ENKUR: variants seen among roughly 807,000 people sequenced by gnomAD.
ENKUR encodes enkurin.
A neutral mutation model predicts 27.6 loss-of-function variants in ENKUR; 19 were observed. That is an observed-to-expected ratio of 0.69 (90% confidence interval 0.48 to 1.01). The LOEUF is 1.01. Ranked by LOEUF, ENKUR falls within the 50% of genes least tolerant of loss-of-function variation. The pLI, the probability that ENKUR is intolerant of heterozygous loss-of-function variation, is 0.00. For missense variants in ENKUR, 312 were observed against 310.5 expected (o/e 1.00, Z -0.04); for synonymous variants, 117 against 96.9 (o/e 1.21, Z -1.22).
upstream of ENKUR, among the ~76,000 whole-genome samples, chr10:25,019,291 T>C (rs1278531728): frequency 1.3e-5 from 2 of 152,166 alleles, no homozygotes; most frequent in African/African-American, 4.8e-5. Context: ...CTGGGCAACA[T>C]GGCGAAACCC....
At chr10:25,028,151 CAG>C (rs947110915) in intron 2 of ENKUR, among the ~76,000 whole-genome samples, 40 of 152,288 alleles carry the variant, frequency 2.6e-4, no homozygotes, top group African/African-American at 9.4e-4. Flanking sequence ...GCAGGAGAAA[CAG>C]GGAAGATGAA....
chr10:25,049,535 C>T (rs1851159966), intron 2 of ENKUR, among the ~76,000 whole-genome samples: 1 of 152,086 alleles, frequency 6.6e-6, no homozygotes, highest in African/African-American at 2.4e-5. Context: ...TGCCTATAAT[C>T]CCAGCACTTT....
chr10:24,991,941 G>A (rs1195445711), intron 3 of ENKUR, among the ~76,000 whole-genome samples: 5 of 152,136 alleles, frequency 3.3e-5, no homozygotes, highest in East Asian at 1.9e-4. Context: ...CCTGCCCTTC[G>A]GCATGCTCCC....
chr10:25,011,462 G>A (rs1031276147), intron 1 of ENKUR, among the ~76,000 whole-genome samples: 6 of 152,130 alleles, frequency 3.9e-5, no homozygotes, highest in Admixed American at 3.3e-4. Context: ...ATACAAACCT[G>A]AGAAAAACAA....
chr10:25,022,295 T>C (rs1850737107), intron 2 of ENKUR, among the ~76,000 whole-genome samples: 1 of 152,184 alleles, frequency 6.6e-6, no homozygotes, highest in African/African-American at 2.4e-5. Flanking sequence ...CTCTCATCAT[T>C]GGAAACATTC....
intron 2 of ENKUR, among the ~76,000 whole-genome samples, chr10:25,043,998 A>G (rs1851093828): frequency 6.6e-6 from 1 of 151,064 alleles, no homozygotes; most frequent in Admixed American, 6.6e-5. Context: ...TATAGATTTA[A>G]AAACATATTT....
At chr10:25,021,133 G>C (rs1257328551), upstream of ENKUR, among the ~76,000 whole-genome samples, 1 of 152,140 alleles carries the variant, frequency 6.6e-6, no homozygotes, top group African/African-American at 2.4e-5. Context: ...ACCCTGCCTT[G>C]TACCTACATA....
chr10:25,009,989 T>C (rs562546439), intron 1 of ENKUR, among the ~76,000 whole-genome samples: 10 of 152,080 alleles, frequency 6.6e-5, no homozygotes, highest in African/African-American at 2.4e-4. Flanking sequence ...TTGGTACCAG[T>C]AGAGTGGGAT....
At chr10:25,055,807 T>C (rs1851250171) in intron 2 of ENKUR, among the ~76,000 whole-genome samples, 1 of 152,188 alleles carries the variant, frequency 6.6e-6, no homozygotes, top group African/African-American at 2.4e-5. Flanking sequence ...ATGCATCTGT[T>C]TATCCCTGCA....
At chr10:25,018,652 G>T (rs1322576118), upstream of ENKUR, among the ~76,000 whole-genome samples, 1 of 137,156 alleles carries the variant, frequency 7.3e-6, no homozygotes, top group Admixed American at 8.0e-5. Context: ...ATAAACAAAT[G>T]AGAGTTGTTT....
chr10:25,022,062 G>A (rs1013080801), intron 2 of ENKUR, among the ~76,000 whole-genome samples: 5 of 152,028 alleles, frequency 3.3e-5, no homozygotes, highest in Non-Finnish European at 7.4e-5. Context: ...GTTGCATATT[G>A]CTTCTACCAG....
In ENKUR at chr10:24,994,351, T is replaced by C. The variant is rs866976990; in HGVS notation, c.447+1295A>G. ...ATTCTGCACTCTTTTTTTTTTTTTT[T>C]GACACCGAGTCTCGCTCTGTCACCC... On this transcript the variant is annotated intron_variant, in intron 3 of 5. Coordinates refer to ENST00000331161, the MANE Select transcript of ENKUR (RefSeq NM_145010.4). Among the ~76,000 whole-genome samples, 6 of 150,706 alleles carry C rather than the reference T, an allele frequency of 4.0e-5. No individual in the cohort carries two copies. In the South Asian group the frequency reaches 6.3e-4, roughly 16 times the overall value.
At chr10:25,003,181 A>AATTAATTT (rs1850232699) in intron 1 of ENKUR, among the ~76,000 whole-genome samples, 2 of 146,878 alleles carry the variant, frequency 1.4e-5, no homozygotes, top group African/African-American at 4.9e-5. Context: ...TTAATTAATT[A>AATTAATTT]ATTTATTTAT....
intron 2 of ENKUR, among the ~76,000 whole-genome samples, chr10:24,997,807 T>TTA (rs58973955): frequency 0.092 from 13,384 of 144,842 alleles, 1,975 homozygotes; most frequent in African/African-American, 0.31. Flanking sequence ...CACAAAGGAT[T>TTA]TATATATATA....
intron 2 of ENKUR, chr10:25,023,147 GT>G: frequency 1.4e-6 from 2 of 1,423,146 alleles, no homozygotes; most frequent in South Asian, 2.8e-5. Context: ...ATCTTTTGTT[GT>G]TTTTTGTTTG....
Position 25,022,233 on chromosome 10 carries a change from T to C in ENKUR, c.38-26364A>G, listed in dbSNP as rs1850732966. Among the ~76,000 whole-genome samples, 3 of 152,208 alleles carry C rather than the reference T, an allele frequency of 2.0e-5. No individual in the cohort carries two copies. In the South Asian group the frequency reaches 6.2e-4, roughly 31 times the overall value. ...GAGTATATTTCCAAAGACAAGGACT[T>C]GGTCAATATGGGAAATTATAGAGCT... On this transcript the variant is annotated intron_variant, in intron 2 of 5. Transcript: ENST00000615958.
At chr10:25,045,932 G>A (rs753384048) in intron 2 of ENKUR, among the ~76,000 whole-genome samples, 1 of 152,134 alleles carries the variant, frequency 6.6e-6, no homozygotes, top group Admixed American at 6.5e-5. Context: ...TATAAATACA[G>A]ACATAAATAT....
chr10:25,061,054 C>A (rs1851320571), intron 2 of ENKUR: 1 of 1,478,744 alleles, frequency 6.8e-7, no homozygotes, highest in African/African-American at 1.4e-5. Flanking sequence ...CTCTAAGGCC[C>A]CCTATTAGGC....
chr10:25,002,890 T>C (rs911247002), intron 1 of ENKUR, among the ~76,000 whole-genome samples: 1 of 151,786 alleles, frequency 6.6e-6, no homozygotes, highest in Non-Finnish European at 1.5e-5. Context: ...GCAGATATGG[T>C]CTCGTGATTA....
Sources: gnomAD v4.1 joint callset for allele counts (sites outside exome capture counted in the v4.1 genomes callset) on GRCh38, gnomAD v4.1.1 for gene constraint, MANE v1.5 for transcripts, NCBI Gene and HGNC (gene_info 2026-07-23, HGNC 2026-07-21) for gene names.